The following CPB2 variants were observed in gnomAD, a reference collection of about 807,000 sequenced individuals.
CPB2 encodes the protein carboxypeptidase B2, also known as carboxypeptidase B-like protein.
In CPB2, 54 loss-of-function variants were observed where a neutral mutation model predicts 57.0. The ratio of observed to expected loss-of-function variants is 0.95; its 90% CI spans 0.76 to 1.19. CPB2 has a LOEUF of 1.19. Among genes scored for constraint, CPB2 ranks in the 50% most tolerant of loss-of-function variants. The probability of loss-of-function intolerance (pLI) is 0.00; values close to 1 mark genes in which losing one functional copy is unlikely to be tolerated. For synonymous variants in CPB2, 189 were observed against 178.1 expected, an observed-to-expected ratio of 1.06 and a Z score of -0.49; for missense variants, 426 against 512.0, an observed-to-expected ratio of 0.83 and a Z score of 1.62.
chr13:46,064,720 G>A lies in CPB2; in HGVS notation c.724C>T (p.Arg242Cys), dbSNP rs377401738. Residue 242 changes from arginine to cysteine, a missense_variant, in exon 8 of 11, where the codon CGT becomes TGT. By Grantham distance (180) the Arg-to-Cys change is radical (BLOSUM62 -3). Coordinates refer to ENST00000181383, the MANE Select transcript of CPB2 (RefSeq NM_001872.5). ...WKKNRMWRKN[R>C]SFYANNHCIG... ...CAATGATTGTTCGCATAGAAAGAAC[G>A]GTTCTTTCTCCACATTCGATTCTAC... is the stretch of plus-strand genomic sequence containing the variant. The A allele has an allele frequency of 4.3e-6, 7 of 1,613,812 alleles. No individual in the cohort carries two copies. The highest frequency in any genetic ancestry group is 1.1e-5 in the South Asian group (1 of 91,060).
At chr13:46,061,861 A>G (rs1440786705) in intron 8 of CPB2, among the ~76,000 whole-genome samples, 1 of 152,134 alleles carries the variant, frequency 6.6e-6, no homozygotes, top group Non-Finnish European at 1.5e-5. Context: ...TTAATAAGTG[A>G]GGTGTTTTTG....
At chr13:46,056,053 ACAT>A (rs2044692710) in intron 9 of CPB2, among the ~76,000 whole-genome samples, 1 of 152,066 alleles carries the variant, frequency 6.6e-6, no homozygotes, top group Admixed American at 6.5e-5. Context: ...GTGGCTTTAA[ACAT>A]AAACTATTTC....
intron 2 of CPB2, among the ~76,000 whole-genome samples, chr13:46,086,775 G>T (rs901133927): frequency 6.6e-6 from 1 of 152,210 alleles, no homozygotes; most frequent in Non-Finnish European, 1.5e-5. Flanking sequence ...GGCCAGTGCC[G>T]AGAAGCCCTC....
At chr13:46,068,368 C>T (rs971420507) in intron 6 of CPB2, among the ~76,000 whole-genome samples, 1 of 151,926 alleles carries the variant, frequency 6.6e-6, no homozygotes, top group Non-Finnish European at 1.5e-5. Context: ...TCATATTTCC[C>T]TAGAACAATC....
At chr13:46,097,545 T>C (rs954145635) in intron 1 of CPB2, 1 of 152,252 alleles carries the variant, frequency 6.6e-6, no homozygotes, top group Non-Finnish European at 1.5e-5. Context: ...TATCAGATCA[T>C]GGGCTCCACT....
At chr13:46,072,167 C>CA (rs1242850194) in intron 6 of CPB2, among the ~76,000 whole-genome samples, 3 of 152,218 alleles carry the variant, frequency 2.0e-5, no homozygotes, top group East Asian at 3.9e-4. Flanking sequence ...TCAAGCTTCT[C>CA]AAAGTGTAGT....
intron 1 of CPB2, 25 bp downstream of exon 1, chr13:46,104,909 CCA>C: frequency 1.2e-6 from 2 of 1,613,628 alleles, no homozygotes; most frequent in Non-Finnish European, 1.7e-6. Context: ...GAGTGGCCCA[CCA>C]CAGTCTAAGA....
At chr13:46,083,761 C>T (rs908564597) in intron 3 of CPB2, among the ~76,000 whole-genome samples, 1 of 152,180 alleles carries the variant, frequency 6.6e-6, no homozygotes, top group African/African-American at 2.4e-5. Flanking sequence ...CAGACTAACC[C>T]GAGGTCTCTG....
intron 5 of CPB2, among the ~76,000 whole-genome samples, chr13:46,076,227 C>T (rs1214584799): frequency 2.6e-5 from 4 of 152,148 alleles, no homozygotes; most frequent in Middle Eastern, 3.4e-3. Flanking sequence ...TTAGATGACA[C>T]GATCTTATAT....
chr13:46,069,203 T>C (rs990006289), intron 6 of CPB2, among the ~76,000 whole-genome samples: 6 of 152,180 alleles, frequency 3.9e-5, no homozygotes, highest in Non-Finnish European at 8.8e-5. Context: ...ATCTAATAGG[T>C]AGGACTCCAG....
intron 1 of CPB2, among the ~76,000 whole-genome samples, chr13:46,088,665 C>G (rs2045246077): frequency 6.6e-6 from 1 of 152,178 alleles, no homozygotes; most frequent in African/African-American, 2.4e-5. Context: ...TTGCCAATAC[C>G]TGATGCTCTC....
At chr13:46,060,219 T>C (rs965815599) in intron 8 of CPB2, among the ~76,000 whole-genome samples, 5 of 152,090 alleles carry the variant, frequency 3.3e-5, no homozygotes, top group Non-Finnish European at 7.4e-5. Flanking sequence ...TCCCAGCACT[T>C]TGGGAGGCTG....
chr13:46,065,621 C>A (rs1222713792), intron 7 of CPB2, among the ~76,000 whole-genome samples: 2 of 105,878 alleles, frequency 1.9e-5, no homozygotes, highest in African/African-American at 7.8e-5. Flanking sequence ...AGCAAGACTC[C>A]GTCTCAAAAA....
chr13:46,061,778 A>AAC (rs113483504), intron 8 of CPB2, among the ~76,000 whole-genome samples: 69 of 151,902 alleles, frequency 4.5e-4, no homozygotes, highest in African/African-American at 1.4e-3. Flanking sequence ...TCTCATCTCC[A>AAC]ACACACACAC....
Position 46,067,307 on chromosome 13 carries a change from CT to C in CPB2, c.701del (p.Lys234ArgfsTer22). On this transcript the variant is annotated frameshift_variant and splice_region_variant, in exon 7 of 11. Transcript: ENST00000181383. LOFTEE classifies it high-confidence loss of function. ...NVDGYDYSWKKNRMWRKNRSF... is the reference protein window; with the variant it reads ...NVDGYDYSWKXNRMWRKNRSF... ...TTGTCTTCTTTGCCTTTTCTCCTAC[CT>C]TTTTCCATGAGTAGTCATAACCATC... 1.7e-5 allele frequency: 25 copies of C among 1,451,694 alleles called. No individual in the cohort carries two copies. Among genetic ancestry groups the C allele is most frequent in the South Asian group, 3.4e-5 (3 of 87,090 alleles). The allele number at this position is 1,451,694 out of a possible 1,614,324, so 89.9% of individuals were successfully genotyped here.
intron 9 of CPB2, among the ~76,000 whole-genome samples, chr13:46,056,839 A>G (rs2044704058): frequency 6.6e-6 from 1 of 152,186 alleles, no homozygotes; most frequent in Non-Finnish European, 1.5e-5. Flanking sequence ...CCCCCTTAAT[A>G]GATTGTAAAT....
chr13:46,088,587 C>A (rs768520763), intron 1 of CPB2, among the ~76,000 whole-genome samples: 2 of 152,130 alleles, frequency 1.3e-5, no homozygotes, highest in African/African-American at 2.4e-5. Flanking sequence ...TCATATCAGT[C>A]CTCAAGTTTT....
intron 5 of CPB2, among the ~76,000 whole-genome samples, chr13:46,075,240 A>G (rs770411234): frequency 6.6e-6 from 1 of 152,246 alleles, no homozygotes; most frequent in Non-Finnish European, 1.5e-5. Flanking sequence ...TTGGCCACTA[A>G]TCGTCAAATT....
intron 1 of CPB2, among the ~76,000 whole-genome samples, chr13:46,104,719 A>G (rs1222186754): frequency 1.3e-5 from 2 of 152,218 alleles, no homozygotes; most frequent in Admixed American, 1.3e-4. Flanking sequence ...TCTCCCAATA[A>G]TAAAACCAGA....
Sources: allele counts gnomAD v4.1 joint callset (sites outside exome capture counted in the v4.1 genomes callset), GRCh38; gene constraint gnomAD v4.1.1; transcripts MANE v1.5; gene names NCBI Gene and HGNC (gene_info 2026-07-23, HGNC 2026-07-21).